Variants in PRB4 observed in about 807,000 individuals in gnomAD.
PRB4 encodes the protein proline rich protein BstNI subfamily 4, also known as basic salivary proline-rich protein 4.
Under a neutral mutation model 9.1 loss-of-function variants are expected in PRB4, and 14 were observed. That is an observed-to-expected ratio of 1.54 (90% CI 1.02 to 2.41). The LOEUF (loss-of-function observed/expected upper bound fraction) is 2.41. Ranked by LOEUF, PRB4 falls within the 30% of genes most tolerant of loss-of-function variation. The probability of loss-of-function intolerance (pLI) is 0.00; values close to 1 mark genes in which losing one functional copy is unlikely to be tolerated. For missense variants in PRB4, 381 were observed against 299.3 expected (o/e 1.27, Z -2.02); for synonymous variants, 102 against 108.5 (o/e 0.94, Z 0.37).
intron 2 of PRB4, among the ~76,000 whole-genome samples, chr12:11,309,095 G>A (rs1862994647): frequency 6.6e-6 from 1 of 152,104 alleles, no homozygotes; most frequent in Admixed American, 6.5e-5. Flanking sequence ...TAAGGACACT[G>A]GCCATTTGTC....
At chr12:11,310,305 T>C (rs1489502648) in intron 1 of PRB4, 30 bp downstream of exon 1, 1 of 1,613,716 alleles carries the variant, frequency 6.2e-7, no homozygotes, top group Admixed American at 1.7e-5. Flanking sequence ...TCCCAAGCAG[T>C]CACCGCATCT....
At position 11,310,381 on chromosome 12, in the gene PRB4, C is replaced by A; in HGVS notation, c.18G>T (p.Leu6=). MLLIL[L]SVALLALSSA... ...AGCTCAGGGCCAGCAGGGCCACTGA[C>A]AGCAGAATCAGCAGCATCTCGCTGG... is the stretch of plus-strand genomic sequence containing the variant. The change falls in exon 1 of 4, where the codon CTG becomes CTT. Residue 6 remains leucine (L), a synonymous_variant. Coordinates refer to ENST00000279575, the MANE Select transcript of PRB4 (RefSeq NM_002723.6). The A allele has an allele frequency of 6.2e-7, 1 of 1,614,250 alleles. No homozygotes were observed. Among genetic ancestry groups the A allele is most frequent in the African/African-American group, 1.3e-5 (1 of 75,062 alleles).
chr12:11,308,972 G>C (rs533994526), intron 2 of PRB4, 90 bp from the exon 3 acceptor site: 6 of 1,541,252 alleles, frequency 3.9e-6, no homozygotes, highest in Non-Finnish European at 5.4e-6. Flanking sequence ...GCACAAAAAT[G>C]AGACCCAGAT....
Position 11,308,238 on chromosome 12 carries a change from A to G in PRB4, c.*1T>C. The stretch of plus-strand genomic sequence containing the variant: ...AATCATACCTGTCATTGAATCCTAG[A>G]TTACTGGGGAGGCTGTTGTCCCTGG... On this transcript the variant is annotated 3_prime_UTR_variant, in exon 3 of 4. Transcript: ENST00000279575. 6.2e-7 allele frequency: 1 copy of G among 1,609,742 alleles called. No individual in the cohort carries two copies. Among genetic ancestry groups the G allele is most frequent in the East Asian group, 2.2e-5 (1 of 44,868 alleles).
At chr12:11,309,005 T>C (rs1408860153) in intron 2 of PRB4, 123 bp from the exon 3 acceptor site, 3 of 1,421,822 alleles carry the variant, frequency 2.1e-6, no homozygotes, top group East Asian at 4.5e-5. Flanking sequence ...GCATTTTCAG[T>C]GAAGCCCTAG....
In PRB4 at chr12:11,308,664, C is replaced by T. The variant is rs1862973698; in HGVS notation, c.319G>A (p.Gly107Arg). The T allele has an allele frequency of 2.5e-6, 4 of 1,590,238 alleles. No homozygotes were observed. The highest frequency in any genetic ancestry group is 1.1e-5 in the South Asian group (1 of 89,856). ...GGTGGGGTACCTTGGGACTGGTTTC[C>T]TCCTTGTGGGGGTGGTCTTTCTGGC... ...GKPERPPPQGGNQSQGTPPPP... is the reference protein window; with the variant it reads ...GKPERPPPQGRNQSQGTPPPP... Residue 107 changes from glycine to arginine, a missense_variant, in exon 3 of 4, where the codon GGA becomes AGA. Gly to Arg is a moderately radical substitution (Grantham distance 125, BLOSUM62 -2). Transcript: ENST00000279575.
intron 1 of PRB4, 114 bp downstream of exon 1, chr12:11,310,221 C>T: frequency 1.1e-5 from 14 of 1,312,594 alleles, no homozygotes; most frequent in Non-Finnish European, 1.5e-5. Flanking sequence ...TGATCCTAGG[C>T]ATGAAAACTC....
intron 2 of PRB4, 144 bp downstream of exon 2, chr12:11,309,226 G>T: frequency 7.1e-7 from 1 of 1,404,408 alleles, no homozygotes; most frequent in Non-Finnish European, 9.9e-7. Flanking sequence ...AATCAAGTTT[G>T]CATGAAGATT....
chr12:11,308,423 G>T lies in PRB4; in HGVS notation c.560C>A (p.Pro187His), dbSNP rs547141690. ...TTGAGGCTTGTTGCCTTCTTGTTGG[G>T]GTGGTCCTTGTGGCTTTCCTGGAGG... Reference protein sequence around the residue: ...RSPPGKPQGPPQQEGNKPQGP... With the variant: ...RSPPGKPQGPHQQEGNKPQGP... The change falls in exon 3 of 4, where the codon CCC becomes CAC. Residue 187 changes from proline (P) to histidine (H), a missense_variant. Physicochemically the swap from Pro to His is moderately conservative, Grantham distance 77 (BLOSUM62 -2). Coordinates refer to ENST00000279575, the MANE Select transcript of PRB4 (RefSeq NM_002723.6). 5 of 1,613,800 alleles carry T rather than the reference G, an allele frequency of 3.1e-6. No homozygotes were observed. In the South Asian group the frequency reaches 4.4e-5, roughly 14 times the overall value.
intron 2 of PRB4, 61 bp from the exon 3 acceptor site, chr12:11,308,943 T>A: frequency 6.4e-7 from 1 of 1,553,670 alleles, no homozygotes; most frequent in Non-Finnish European, 8.9e-7. Context: ...TTTACAGTAA[T>A]GGAGCTAAAT....
Position 11,308,260 on chromosome 12 carries a change from C to T in PRB4, c.723G>A (p.Gln241=). ...PQGGRPPRPA[Q]GQQPPQ is the part of the protein sequence containing the mutation. ...TAGATTACTGGGGAGGCTGTTGTCC[C>T]TGGGCAGGTCTGGGTGGCCTGCCCC... Residue 241 remains glutamine, a synonymous_variant, in exon 3 of 4, where the codon CAG becomes CAA. Coordinates refer to ENST00000279575, the MANE Select transcript of PRB4 (RefSeq NM_002723.6). 1 of 1,609,864 alleles carries T rather than the reference C, an allele frequency of 6.2e-7. No individual in the cohort carries two copies. Among genetic ancestry groups the T allele is most frequent in the African/African-American group, 1.3e-5 (1 of 74,886 alleles).
Position 11,310,365 on chromosome 12 carries a change from C to T in PRB4, c.34G>A (p.Ala12Thr), listed in dbSNP as rs1863026229. 6.2e-7 allele frequency: 1 copy of T among 1,614,102 alleles called. No homozygotes were observed. Among genetic ancestry groups the T allele is most frequent in the Non-Finnish European group, 8.5e-7 (1 of 1,180,052 alleles). Residue 12 changes from alanine to threonine, a missense_variant, in exon 1 of 4, where the codon GCC (alanine) becomes ACC (threonine). By Grantham distance (58) the Ala-to-Thr change is moderately conservative. This residue lies in a region of PRB4 where 151 missense variants were observed against 105.8 expected (regional missense o/e 1.43). Transcript: ENST00000279575. ...CTTGAACTCTCAGCTGAGCTCAGGG[C>T]CAGCAGGGCCACTGACAGCAGAATC... The part of the protein sequence containing the change: ...LLILLSVALL[A>T]LSSAESSSED...
In PRB4 at chr12:11,308,607, G is replaced by GT; in HGVS notation, c.375dup (p.Gln126ThrfsTer25). 1 of 1,350,858 alleles carries GT rather than the reference G, an allele frequency of 7.4e-7. No individual in the cohort carries two copies. The highest frequency in any genetic ancestry group is 1.0e-6 in the Non-Finnish European group (1 of 982,512). 83.7% of individuals were successfully genotyped at this position (1,350,858 alleles called of 1,614,324 possible). On this transcript the variant is annotated frameshift_variant, in exon 3 of 4. Coordinates refer to ENST00000279575, the MANE Select transcript of PRB4 (RefSeq NM_002723.6). LOFTEE classifies it low-confidence loss of function (END_TRUNC). The stretch of plus-strand genomic sequence containing the variant: ...GGACGGTGGGACTGGTTGCCTCCTT[G>GT]TGGGGGTGGTCTTTCTGGCTTTCCT...
chr12:11,309,385 G>C lies in PRB4; in HGVS notation c.85C>G (p.Leu29Val), dbSNP rs1468057799. 8 of 1,614,050 alleles carry C rather than the reference G, an allele frequency of 5.0e-6. No individual in the cohort carries two copies. Among genetic ancestry groups the C allele is most frequent in the Non-Finnish European group, 5.9e-6 (7 of 1,180,008 alleles). The change falls in exon 2 of 4, where the codon CTC (leucine) becomes GTC (valine). Residue 29 changes from leucine to valine, a missense_variant. By Grantham distance (32) the Leu-to-Val change is conservative. Transcript: ENST00000279575. The part of the protein sequence containing the change: ...SSEDVSQEES[L>V]FLISGKPEGR... ...TGGGATTTACCTGATATTAGGAAGA[G>C]AGATTCTTCCTGGCTGACATCTAGA... is the stretch of plus-strand genomic sequence containing the variant.
chr12:11,308,561 G>A lies in PRB4; in HGVS notation c.422C>T (p.Pro141Leu), dbSNP rs148900208. 4.4e-6 allele frequency: 7 copies of A among 1,583,230 alleles called. No homozygotes were observed. The South Asian group carries it at 4.4e-5, about 10-fold the overall frequency. Residue 141 changes from proline (P) to leucine (L), a missense_variant, in exon 3 of 4, where the codon CCA becomes CTA. Around this residue, in one of 3 missense-constraint regions of PRB4, gnomAD observed 204 missense variants for 134.4 expected, o/e 1.52. Coordinates refer to ENST00000279575, the MANE Select transcript of PRB4 (RefSeq NM_002723.6). ...ACCTCCTTGTGGGGGTGGTCTTTCT[G>A]GCTTTCCTGGAGGAGGTGGGGGACG... ...SHRPPPPPGK[P>L]ERPPPQGGNQ...
intron 1 of PRB4, among the ~76,000 whole-genome samples, chr12:11,309,899 G>A (rs1226461809): frequency 1.3e-5 from 2 of 152,150 alleles, no homozygotes; most frequent in African/African-American, 2.4e-5. Flanking sequence ...GTTAGACAGA[G>A]ACAAGTGTTC....
In PRB4 at chr12:11,308,612, G is replaced by A. The variant is rs763103290; in HGVS notation, c.371C>T (p.Pro124Leu). ...GTGGGACTGGTTGCCTCCTTGTGGG[G>A]GTGGTCTTTCTGGCTTTCCTGGAGG... is the stretch of plus-strand genomic sequence containing the variant. ...PPPPGKPERP[P>L]PQGGNQSHRP... is the part of the protein sequence containing the mutation. The change falls in exon 3 of 4, where the codon CCC becomes CTC. Residue 124 changes from proline to leucine, a missense_variant. Physicochemically the swap from Pro to Leu is moderately conservative, Grantham distance 98 (BLOSUM62 -3). Coordinates refer to ENST00000279575, the MANE Select transcript of PRB4 (RefSeq NM_002723.6). The A allele has an allele frequency of 1.0e-5, 14 of 1,344,238 alleles. 1 individual carries two copies. The highest frequency in any genetic ancestry group is 8.0e-5 in the Admixed American group (4 of 50,150). 83.3% of individuals were successfully genotyped at this position (1,344,238 alleles called of 1,614,324 possible). A position where few individuals can be genotyped will look rare whatever the true frequency, so the allele number is the denominator to read the frequency against.
At chr12:11,309,271 T>C in intron 2 of PRB4, 99 bp downstream of exon 2, 1 of 1,589,718 alleles carries the variant, frequency 6.3e-7, no homozygotes, top group Non-Finnish European at 8.6e-7. Flanking sequence ...ATTAATCAAT[T>C]CCTGAAAGGA....
chr12:11,309,677 G>T (rs750366453), intron 1 of PRB4, among the ~76,000 whole-genome samples: 1 of 152,122 alleles, frequency 6.6e-6, no homozygotes, highest in African/African-American at 2.4e-5. Context: ...TTTAGTTTAT[G>T]CATGCCAGGT....
Sources: allele counts gnomAD v4.1 joint callset (sites outside exome capture counted in the v4.1 genomes callset), GRCh38; gene constraint gnomAD v4.1.1; regional missense constraint gnomAD v4.1.1; transcripts MANE v1.5; gene names NCBI Gene and HGNC (gene_info 2026-07-23, HGNC 2026-07-21).